Variants in NMBR observed in about 807,000 individuals in gnomAD.
The protein encoded by NMBR is neuromedin-B receptor.
Under a neutral mutation model 20.5 loss-of-function variants are expected in NMBR, and 16 were observed. The ratio of observed to expected loss-of-function variants is 0.78; its 90% CI spans 0.53 to 1.19. NMBR has a LOEUF of 1.19. Among genes scored for constraint, NMBR ranks in the 50% most tolerant of loss-of-function variants. The pLI is 0.00. For missense variants in NMBR, 582 were observed against 499.1 expected, an observed-to-expected ratio of 1.17 and a Z score of -1.58; for synonymous variants, 212 against 196.6, an observed-to-expected ratio of 1.08 and a Z score of -0.65.
chr6:142,128,994 G>A (rs1404925060), intron 1 of NMBR, among the ~76,000 whole-genome samples: 1 of 84,892 alleles, frequency 1.2e-5, no homozygotes, highest in East Asian at 2.4e-4. Context: ...AGATGTCAAT[G>A]TAATAATATA....
chr6:142,104,872 G>A (rs550780496), intron 1 of NMBR, among the ~76,000 whole-genome samples: 24 of 152,306 alleles, frequency 1.6e-4, no homozygotes, highest in East Asian at 1.4e-3. Context: ...GGGTGAAGGC[G>A]GGCTGAGTCC....
chr6:142,119,864 C>T (rs368019410), intron 1 of NMBR, among the ~76,000 whole-genome samples: 9 of 152,010 alleles, frequency 5.9e-5, no homozygotes, highest in African/African-American at 2.2e-4. Flanking sequence ...TTGTCACTTG[C>T]ATGGAAATCT....
chr6:142,076,040 G>T lies in NMBR; in HGVS notation c.781C>A (p.Arg261=). Residue 261 remains arginine (R), a synonymous_variant, in exon 4 of 4, where the codon CGG becomes AGG. Transcript: ENST00000258042. The part of the protein sequence containing the change: ...NEHTKKQMET[R]KRLAKIVLVF... ...AGCACAATTTTAGCCAGGCGTTTCC[G>T]TGTTTCCATCTGCAAATATAAGAAA... The T allele has an allele frequency of 6.4e-7, 1 of 1,574,006 alleles. No individual in the cohort carries two copies. The highest frequency in any genetic ancestry group is 8.6e-7 in the Non-Finnish European group (1 of 1,163,040).
chr6:142,095,806 A>G (rs1406404821), intron 1 of NMBR, among the ~76,000 whole-genome samples: 9 of 152,098 alleles, frequency 5.9e-5, no homozygotes, highest in Non-Finnish European at 1.2e-4. Context: ...TTGGTAAGCT[A>G]TTAATTATTG....
At chr6:142,083,596 G>A (rs1345510271) in intron 2 of NMBR, among the ~76,000 whole-genome samples, 1 of 152,152 alleles carries the variant, frequency 6.6e-6, no homozygotes, top group Non-Finnish European at 1.5e-5. Context: ...ACTGGATCAT[G>A]AGGGCAAATT....
intron 1 of NMBR, among the ~76,000 whole-genome samples, chr6:142,140,069 T>C (rs959572767): frequency 6.6e-6 from 1 of 152,004 alleles, no homozygotes; most frequent in African/African-American, 2.4e-5. Context: ...GCACTGAAAA[T>C]TGACAGCTGA....
At chr6:142,115,623 A>ACACTACACTAC (rs58805181) in intron 1 of NMBR, among the ~76,000 whole-genome samples, 53,497 of 151,802 alleles carry the variant, frequency 0.35, 10,676 homozygotes, top group Middle Eastern at 0.52. Flanking sequence ...GCTAGACCTG[A>ACACTACACTAC]ACTACACTAG....
rs780696585 is a variant in NMBR at position 142,075,652 on chromosome 6, A to G, written c.1169T>C (p.Leu390Pro). The G allele has an allele frequency of 5.6e-6, 9 of 1,602,754 alleles. No homozygotes were observed. Among genetic ancestry groups the G allele is most frequent in the Middle Eastern group, 1.7e-4 (1 of 6,020 alleles). Reference sequence around the variant, plus strand: ...TAGTGAGTTGAATGGCCAAAATCACAGTGCCATTTCCTGCTTCATGCTGTG... The same window carrying G: ...TAGTGAGTTGAATGGCCAAAATCACGGTGCCATTTCCTGCTTCATGCTGTG... Reference protein sequence around the residue: ...NGHSMKQEMAL With the variant: ...NGHSMKQEMAP The change falls in exon 4 of 4, where the codon CTG becomes CCG. Residue 390 changes from leucine to proline, a missense_variant. Leu to Pro is a moderately conservative substitution (Grantham distance 98). Transcript: ENST00000258042.
intron 1 of NMBR, among the ~76,000 whole-genome samples, chr6:142,090,181 C>A (rs535430621): frequency 1.1e-4 from 16 of 152,150 alleles, no homozygotes; most frequent in African/African-American, 3.9e-4. Context: ...AATGGTGGCT[C>A]AGTTCTGGAG....
chr6:142,099,473 G>A (rs1028619933), intron 1 of NMBR, among the ~76,000 whole-genome samples: 2 of 152,042 alleles, frequency 1.3e-5, no homozygotes, highest in Non-Finnish European at 2.9e-5. Context: ...ACTTTCAAAC[G>A]AGCAGATCTT....
intron 1 of NMBR, among the ~76,000 whole-genome samples, chr6:142,105,716 T>A (rs1441460997): frequency 6.6e-6 from 1 of 152,158 alleles, no homozygotes; most frequent in African/African-American, 2.4e-5. Flanking sequence ...TTTAGTTACA[T>A]ACATTAACTA....
intron 3 of NMBR, among the ~76,000 whole-genome samples, chr6:142,077,868 T>G (rs1021002638): frequency 6.6e-6 from 1 of 152,248 alleles, no homozygotes; most frequent in African/African-American, 2.4e-5. Flanking sequence ...TTTCTCTTTG[T>G]GTATTAACAC....
At chr6:142,104,983 T>C (rs949438556) in intron 1 of NMBR, among the ~76,000 whole-genome samples, 2 of 152,112 alleles carry the variant, frequency 1.3e-5, no homozygotes, top group Non-Finnish European at 2.9e-5. Flanking sequence ...GGGGTGGATC[T>C]TACAAAGTAC....
intron 1 of NMBR, among the ~76,000 whole-genome samples, chr6:142,099,835 C>G (rs952068197): frequency 2.6e-5 from 4 of 151,872 alleles, no homozygotes; most frequent in African/African-American, 9.7e-5. Context: ...CTCAAGATAT[C>G]AAAAATACAC....
chr6:142,138,855 A>T (rs746602679), intron 1 of NMBR, among the ~76,000 whole-genome samples: 8 of 152,266 alleles, frequency 5.3e-5, no homozygotes, highest in Admixed American at 6.5e-5. Context: ...TCTTCAACTT[A>T]GTTCTGGAGC....
chr6:142,134,707 AT>A lies in NMBR; in HGVS notation c.-664+12336del, dbSNP rs1397891458. 3 of 693,030 alleles carry A rather than the reference AT, an allele frequency of 4.3e-6. No homozygotes were observed. In the East Asian group the frequency reaches 8.1e-5, roughly 19 times the overall value. The allele number at this position is 693,030 out of a possible 1,614,324, so 42.9% of individuals were successfully genotyped here. A position where few individuals can be genotyped will look rare whatever the true frequency, so the allele number is the denominator to read the frequency against. Reference sequence around the variant, plus strand: ...AGCGGCAATAGCATTCTGGCTTCAGATTTACCTCTTTGGTTTCCAAGTAAAA... The same window carrying A: ...AGCGGCAATAGCATTCTGGCTTCAGATTACCTCTTTGGTTTCCAAGTAAAA... On this transcript the variant is annotated intron_variant, in intron 1 of 3. Transcript: ENST00000258042.
chr6:142,112,186 T>C (rs778225691), intron 1 of NMBR, among the ~76,000 whole-genome samples: 1 of 152,164 alleles, frequency 6.6e-6, no homozygotes, highest in Non-Finnish European at 1.5e-5. Flanking sequence ...ACACTTGGCC[T>C]GAATGGGAAA....
intron 1 of NMBR, among the ~76,000 whole-genome samples, chr6:142,124,866 T>C (rs966699797): frequency 1.3e-5 from 2 of 151,866 alleles, no homozygotes; most frequent in Non-Finnish European, 2.9e-5. Context: ...CATAAAACCA[T>C]AGAATTGTGA....
At chr6:142,136,650 A>T (rs1364099944) in intron 1 of NMBR, among the ~76,000 whole-genome samples, 3 of 150,262 alleles carry the variant, frequency 2.0e-5, no homozygotes, top group African/African-American at 7.3e-5. Flanking sequence ...AAGTCTTTAA[A>T]CCATCTTGAA....
Sources: gnomAD v4.1 joint callset for allele counts (sites outside exome capture counted in the v4.1 genomes callset) on GRCh38, gnomAD v4.1.1 for gene constraint, MANE v1.5 for transcripts, NCBI Gene and HGNC (gene_info 2026-07-23, HGNC 2026-07-21) for gene names.